Variants in EPHA7 observed in about 807,000 individuals in gnomAD.
EPHA7 encodes the protein EPH receptor A7, also known as ephrin type-A receptor 7.
EPHA7 carries 25 observed loss-of-function variants against 112.6 expected under a neutral mutation model. That is an observed-to-expected ratio of 0.22 (90% CI 0.16 to 0.31). The LOEUF is 0.31. Among genes scored for constraint, EPHA7 ranks in the 10% least tolerant of loss-of-function variants. The pLI, the probability that EPHA7 is intolerant of heterozygous loss-of-function variation, is 1.00. For missense variants in EPHA7, 962 were observed against 1,212.6 expected, an observed-to-expected ratio of 0.79 and a Z score of 3.07; for synonymous variants, 437 against 406.5, an observed-to-expected ratio of 1.07 and a Z score of -0.90.
At chr6:93,311,114 A>ATTTT (rs71542009) in intron 5 of EPHA7, among the ~76,000 whole-genome samples, 8 of 78,508 alleles carry the variant, frequency 1.0e-4, no homozygotes, top group Admixed American at 3.1e-4. Context: ...ATGCCCAGCT[A>ATTTT]TTTTTTTTTT....
At position 93,264,628 on chromosome 6, in the gene EPHA7, C is replaced by A. The variant is rs762911058; in HGVS notation, c.1708G>T (p.Val570Leu). 6.2e-7 allele frequency: 1 copy of A among 1,607,424 alleles called. No homozygotes were observed. Among genetic ancestry groups the A allele is most frequent in the East Asian group, 2.2e-5 (1 of 44,556 alleles). ...ATGATGAAGCCAAAGACCATGAACA[C>A]CAAAATGATGGTCCCAGCTACAGCA... The part of the protein sequence containing the change: ...VVAVAGTIIL[V>L]FMVFGFIIGR... The change falls in exon 8 of 17, where the codon GTG (valine) becomes TTG (leucine). Residue 570 changes from valine to leucine, a missense_variant. Val to Leu is a conservative substitution (Grantham distance 32, BLOSUM62 1). Transcript: ENST00000369303.
At chr6:93,385,733 CTAGA>C (rs951225437) in intron 3 of EPHA7, among the ~76,000 whole-genome samples, 18 of 151,778 alleles carry the variant, frequency 1.2e-4, no homozygotes, top group East Asian at 9.7e-4. Context: ...GATTAGATAG[CTAGA>C]TAGATAGATA....
chr6:93,326,509 T>C (rs1042499473), intron 5 of EPHA7, among the ~76,000 whole-genome samples: 5 of 151,502 alleles, frequency 3.3e-5, no homozygotes, highest in Non-Finnish European at 7.4e-5. Context: ...ATTATCTCTA[T>C]GTGAAGATTT....
intron 3 of EPHA7, among the ~76,000 whole-genome samples, chr6:93,385,615 T>A (rs1777560406): frequency 6.6e-6 from 1 of 151,964 alleles, no homozygotes; most frequent in African/African-American, 2.4e-5. Context: ...AATGAGACAA[T>A]GATGGGTAAT....
At chr6:93,373,362 CAT>C (rs769244494) in intron 3 of EPHA7, among the ~76,000 whole-genome samples, 28 of 151,906 alleles carry the variant, frequency 1.8e-4, no homozygotes, top group Non-Finnish European at 2.5e-4. Flanking sequence ...ATAACTTGGT[CAT>C]GTGAAAAAAA....
chr6:93,286,527 C>T (rs992197187), intron 5 of EPHA7, among the ~76,000 whole-genome samples: 1 of 152,118 alleles, frequency 6.6e-6, no homozygotes, highest in African/African-American at 2.4e-5. Context: ...CCTTCATCAT[C>T]CCAATAGCAG....
intron 4 of EPHA7, among the ~76,000 whole-genome samples, chr6:93,357,837 A>G (rs1035549873): frequency 6.6e-6 from 1 of 152,008 alleles, no homozygotes; most frequent in South Asian, 2.1e-4. Flanking sequence ...TATTTTTGGT[A>G]GAGACGGGGT....
chr6:93,257,857 T>G (rs566434599), intron 11 of EPHA7, among the ~76,000 whole-genome samples: 18 of 152,232 alleles, frequency 1.2e-4, no homozygotes, highest in African/African-American at 4.3e-4. Context: ...TAAAAACATT[T>G]ATCAGTCATT....
chr6:93,349,081 G>A (rs534382681), intron 5 of EPHA7, among the ~76,000 whole-genome samples: 1 of 151,798 alleles, frequency 6.6e-6, no homozygotes, highest in East Asian at 1.9e-4. Context: ...GAATCAACAT[G>A]TTTTATACTA....
At chr6:93,304,196 A>G (rs1773137909) in intron 5 of EPHA7, among the ~76,000 whole-genome samples, 1 of 151,834 alleles carries the variant, frequency 6.6e-6, no homozygotes, top group Non-Finnish European at 1.5e-5. Context: ...TACTTGTAGT[A>G]TACATTGAGC....
At chr6:93,281,719 T>C (rs899212341) in intron 5 of EPHA7, among the ~76,000 whole-genome samples, 2 of 152,130 alleles carry the variant, frequency 1.3e-5, no homozygotes, top group Non-Finnish European at 2.9e-5. Flanking sequence ...AGTATTCCAA[T>C]CTCAAAAATA....
intron 6 of EPHA7, 68 bp from the exon 7 acceptor site, chr6:93,269,728 T>C (rs919138731): frequency 8.3e-7 from 1 of 1,211,846 alleles, no homozygotes; most frequent in African/African-American, 1.6e-5. Context: ...GCCAACTGTT[T>C]CAATTTAATT....
intron 5 of EPHA7, among the ~76,000 whole-genome samples, chr6:93,312,304 T>C (rs1177689679): frequency 1.3e-5 from 2 of 152,196 alleles, no homozygotes; most frequent in African/African-American, 4.8e-5. Context: ...TTTAGAGTGG[T>C]CACCTTCATC....
intron 13 of EPHA7, 68 bp from the exon 14 acceptor site, chr6:93,254,864 T>A: frequency 7.4e-7 from 1 of 1,342,592 alleles, no homozygotes; most frequent in Non-Finnish European, 1.0e-6. Flanking sequence ...GGCAATACCA[T>A]AAATACATAT....
At chr6:93,393,440 CA>C (rs1225952934) in intron 3 of EPHA7, among the ~76,000 whole-genome samples, 5 of 150,142 alleles carry the variant, frequency 3.3e-5, no homozygotes, top group Non-Finnish European at 5.9e-5. Context: ...AGTTTCCATC[CA>C]AAAAAAACGC....
intron 3 of EPHA7, among the ~76,000 whole-genome samples, chr6:93,399,732 C>T (rs1181538165): frequency 2.6e-5 from 4 of 151,782 alleles, no homozygotes; most frequent in Non-Finnish European, 5.9e-5. Context: ...TTTTGGATAT[C>T]TGTGGTTGTG....
chr6:93,416,733 G>A (rs1435392768), intron 1 of EPHA7, among the ~76,000 whole-genome samples: 3 of 152,184 alleles, frequency 2.0e-5, no homozygotes, highest in African/African-American at 7.2e-5. Context: ...GGACGCTGGG[G>A]GCCAGGCCTA....
chr6:93,259,993 C>T (rs1582404296), intron 9 of EPHA7, among the ~76,000 whole-genome samples: 1 of 151,784 alleles, frequency 6.6e-6, no homozygotes, highest in Admixed American at 6.6e-5. Flanking sequence ...GACCAACCAC[C>T]GTTGATATAT....
At chr6:93,373,575 TTTGC>T (rs1776907770) in intron 3 of EPHA7, among the ~76,000 whole-genome samples, 1 of 152,096 alleles carries the variant, frequency 6.6e-6, no homozygotes, top group African/African-American at 2.4e-5. Flanking sequence ...ATTTCATGGT[TTTGC>T]CAGTTGTTTA....
Sources: gnomAD v4.1 joint callset for allele counts (sites outside exome capture counted in the v4.1 genomes callset) on GRCh38, gnomAD v4.1.1 for gene constraint, MANE v1.5 for transcripts, NCBI Gene and HGNC (gene_info 2026-07-23, HGNC 2026-07-21) for gene names.